The following MTCH1 variants were observed in gnomAD, a reference collection of about 807,000 sequenced individuals.
The protein encoded by MTCH1 is mitochondrial carrier homolog 1.
MTCH1 carries 23 observed loss-of-function variants against 49.3 expected under a neutral mutation model. The observed-to-expected ratio is 0.47, with a 90% CI of 0.34 to 0.66. The LOEUF (loss-of-function observed/expected upper bound fraction) is 0.66. MTCH1 is among the 30% of genes least tolerant of loss of function. The pLI is 0.01. For synonymous variants in MTCH1, 229 were observed against 215.2 expected, an observed-to-expected ratio of 1.06 and a Z score of -0.56; for missense variants, 397 against 532.1, an observed-to-expected ratio of 0.75 and a Z score of 2.50.
intron 2 of MTCH1, 139 bp from the exon 3 acceptor site, chr6:36,978,750 G>T: frequency 1.5e-6 from 1 of 645,254 alleles, no homozygotes; most frequent in Non-Finnish European, 2.6e-6. Context: ...ATCTGTCCAG[G>T]ACCTGGAAGC....
Position 36,986,063 on chromosome 6 carries a change from C to T in MTCH1, c.111G>A (p.Glu37=), listed in dbSNP as rs1471836171. The stretch of plus-strand genomic sequence containing the variant: ...CGGGCGGTGGATCGCGAGCTCGAGC[C>T]TCGACCCCCGCCGCCGCTCCGCCGC... ...GARGGAAAGV[E]ARARDPPPAH... The change falls in exon 1 of 12, where the codon GAG becomes GAA. Residue 37 remains glutamate (E), a synonymous_variant. Transcript: ENST00000373627. The T allele has an allele frequency of 1.4e-6, 2 of 1,450,464 alleles. No homozygotes were observed. The highest frequency in any genetic ancestry group is 2.8e-5 in the South Asian group (2 of 72,398). 89.8% of individuals were successfully genotyped at this position (1,450,464 alleles called of 1,614,324 possible).
In MTCH1 at chr6:36,972,380, A is replaced by C. The variant is rs1322347666; in HGVS notation, c.906+272T>G. Among the ~76,000 whole-genome samples, 3 of 152,120 alleles carry C rather than the reference A, an allele frequency of 2.0e-5. No homozygotes were observed. Among genetic ancestry groups the C allele is most frequent in the Admixed American group, 2.0e-4 (3 of 15,268 alleles). On this transcript the variant is annotated intron_variant, in intron 8 of 11. Transcript: ENST00000373627. This position sits in a 1 kb window ranked among gnomAD's most constrained non-coding sequence, Gnocchi z 4.1. ...TGACTTCCTGAGCCCTAGTTGGGTCACTGCCTCGGAGCAGCCTTAGATAAG... is the reference window on the plus strand; with the variant it reads ...TGACTTCCTGAGCCCTAGTTGGGTCCCTGCCTCGGAGCAGCCTTAGATAAG...
At chr6:36,980,793 AAAG>A (rs1764058621) in intron 2 of MTCH1, among the ~76,000 whole-genome samples, 2 of 152,232 alleles carry the variant, frequency 1.3e-5, no homozygotes, top group Non-Finnish European at 2.9e-5. Flanking sequence ...GGGCACATTT[AAAG>A]AAGGCCTTCA....
chr6:36,970,708 A>C lies in MTCH1; in HGVS notation c.907-14T>G, dbSNP rs1398593412. 6.2e-7 allele frequency: 1 copy of C among 1,613,688 alleles called. No homozygotes were observed. Among genetic ancestry groups the C allele is most frequent in the East Asian group, 2.2e-5 (1 of 44,878 alleles). ...GGCCTGGCTGAACTGAGGAGACAGA[A>C]GGGAAGAGTGGTTTGCCACAGGCAC... On this transcript the variant is annotated splice_polypyrimidine_tract_variant and intron_variant, in intron 8 of 11. Transcript: ENST00000373627.
rs926077615 is a variant in MTCH1 at position 36,986,181 on chromosome 6, G to T, written c.-8C>A. 4.2e-6 allele frequency: 6 copies of T among 1,424,536 alleles called. No homozygotes were observed. The highest frequency in any genetic ancestry group is 5.5e-6 in the Non-Finnish European group (6 of 1,097,900). The allele number at this position is 1,424,536 out of a possible 1,614,324, so 88.2% of individuals were successfully genotyped here. ...CGGGTCCGAAGCTCCCATGGCGCCCGGCGGCGAGGTCACTCCCCGTCACGT... is the reference window on the plus strand; with the variant it reads ...CGGGTCCGAAGCTCCCATGGCGCCCTGCGGCGAGGTCACTCCCCGTCACGT... On this transcript the variant is annotated 5_prime_UTR_variant, in exon 1 of 12. Coordinates refer to ENST00000373627, the MANE Select transcript of MTCH1 (RefSeq NM_001271641.2).
chr6:36,973,756 C>T (rs887567655), intron 7 of MTCH1, among the ~76,000 whole-genome samples: 8 of 152,192 alleles, frequency 5.3e-5, no homozygotes, highest in Non-Finnish European at 1.0e-4. Context: ...AAGAGAACTA[C>T]GCAGTGTGAA....
At chr6:36,970,844 A>G in intron 8 of MTCH1, 150 bp from the exon 9 acceptor site, 5 of 901,734 alleles carry the variant, frequency 5.5e-6, no homozygotes. Flanking sequence ...CACTGCCCAG[A>G]GAAGGCCTGG....
At position 36,972,564 on chromosome 6, in the gene MTCH1, G is replaced by T; in HGVS notation, c.906+88C>A. On this transcript the variant is annotated intron_variant, in intron 8 of 11. Transcript: ENST00000373627. The surrounding 1 kb of genome is among the most constrained non-coding windows in gnomAD (Gnocchi z 4.1). ...TCCTCTCTCACCCTCCCGGCCTGAT[G>T]CTGAGAATCCCAGAATCCTTGAGTT... 6.9e-7 allele frequency: 1 copy of T among 1,444,568 alleles called. No homozygotes were observed. The highest frequency in any genetic ancestry group is 9.3e-7 in the Non-Finnish European group (1 of 1,073,086). The allele number at this position is 1,444,568 out of a possible 1,614,324, so 89.5% of individuals were successfully genotyped here. A position where few individuals can be genotyped will look rare whatever the true frequency, so the allele number is the denominator to read the frequency against.
intron 3 of MTCH1, among the ~76,000 whole-genome samples, 165 bp from the exon 4 acceptor site, chr6:36,978,320 C>T (rs1229638804): frequency 6.6e-6 from 1 of 152,154 alleles, no homozygotes; most frequent in Non-Finnish European, 1.5e-5. Context: ...GAAAAGAAAG[C>T]CACTATCTGG....
chr6:36,973,087 A>C (rs1763739420), intron 7 of MTCH1, among the ~76,000 whole-genome samples: 1 of 152,162 alleles, frequency 6.6e-6, no homozygotes. Flanking sequence ...ATACTGCCAA[A>C]TTTGGAATTT....
At chr6:36,975,562 A>C in intron 7 of MTCH1, 96 bp downstream of exon 7, 1 of 1,213,584 alleles carries the variant, frequency 8.2e-7, no homozygotes, top group Non-Finnish European at 1.2e-6. Context: ...CATGTAGTGA[A>C]GTCCCAGGCC....
chr6:36,985,047 C>T (rs1583270945), intron 1 of MTCH1, among the ~76,000 whole-genome samples: 1 of 151,178 alleles, frequency 6.6e-6, no homozygotes, highest in Non-Finnish European at 1.5e-5. Context: ...CGCTGCCACT[C>T]CCCTCCCCCA....
rs1351462116 is a variant in MTCH1, at chr6:36,977,419, A to G, written c.650-169T>C. ...CCCTGTTACACCCCATGACCACAGC[A>G]TGCCATTTCTACTGCCTGGGAAGAG... On this transcript the variant is annotated intron_variant, in intron 5 of 11. Transcript: ENST00000373627. The surrounding 1 kb of genome is among the most constrained non-coding windows in gnomAD (Gnocchi z 5.4). Among the ~76,000 whole-genome samples the G allele has an allele frequency of 1.3e-5, 2 of 152,196 alleles. No individual in the cohort carries two copies. The highest frequency in any genetic ancestry group is 3.9e-4 in the East Asian group (2 of 5,174).
chr6:36,985,956 C>G lies in MTCH1; in HGVS notation c.218G>C (p.Gly73Ala). Residue 73 changes from glycine (G) to alanine (A), a missense_variant, in exon 1 of 12, where the codon GGG becomes GCG. By Grantham distance (60) the Gly-to-Ala change is moderately conservative. Around this residue, in one of 2 missense-constraint regions of MTCH1, gnomAD observed 145 missense variants for 143.8 expected, o/e 1.01. Transcript: ENST00000373627. ...AGTGGTCGGGGCGTTGTCCCCAGAC[C>G]CCAGGCCCCCTGACCCGCCATCCAT... ...RRMDGGSGGL[G>A]SGDNAPTTEA... 1 of 1,550,280 alleles carries G rather than the reference C, an allele frequency of 6.5e-7. No homozygotes were observed. Among genetic ancestry groups the G allele is most frequent in the Admixed American group, 2.0e-5 (1 of 51,062 alleles).
rs1472703208 is a variant in MTCH1 at position 36,977,815 on chromosome 6, T to G, written c.592-124A>C. 1 of 901,886 alleles carries G rather than the reference T, an allele frequency of 1.1e-6. No homozygotes were observed. The highest frequency in any genetic ancestry group is 1.7e-6 in the Non-Finnish European group (1 of 581,892). The allele number at this position is 901,886 out of a possible 1,614,324, so 55.9% of individuals were successfully genotyped here. A position where few individuals can be genotyped will look rare whatever the true frequency, so the allele number is the denominator to read the frequency against. On this transcript the variant is annotated intron_variant, in intron 4 of 11. Transcript: ENST00000373627. This position sits in a 1 kb window ranked among gnomAD's most constrained non-coding sequence, Gnocchi z 5.4. Reference sequence around the variant, plus strand: ...CCAGGGACTGCACATGGGGTCGGTCTGCCAAGGATGGCTCCACCTGTTGCC... The same window carrying G: ...CCAGGGACTGCACATGGGGTCGGTCGGCCAAGGATGGCTCCACCTGTTGCC...
chr6:36,968,976 T>G lies in MTCH1; in HGVS notation c.1099-2A>C. 6.2e-7 allele frequency: 1 copy of G among 1,613,944 alleles called. No individual in the cohort carries two copies. The highest frequency in any genetic ancestry group is 8.5e-7 in the Non-Finnish European group (1 of 1,179,882). On this transcript the variant is annotated splice_acceptor_variant, in intron 11 of 11. Coordinates refer to ENST00000373627, the MANE Select transcript of MTCH1 (RefSeq NM_001271641.2). LOFTEE classifies it high-confidence loss of function. ...GCTGGAGCCTCGGAAGAGCTGGCCC[T>G]GGACCAGAAGGAAAAGTAAGGTGAG...
chr6:36,984,333 A>G (rs1189131578), intron 1 of MTCH1, among the ~76,000 whole-genome samples: 1 of 152,190 alleles, frequency 6.6e-6, no homozygotes, highest in Non-Finnish European at 1.5e-5. Flanking sequence ...TTCCGCCATC[A>G]ACAATTTTCA....
At chr6:36,976,354 A>G (rs376639721) in intron 6 of MTCH1, 1 of 353,550 alleles carries the variant, frequency 2.8e-6, no homozygotes, top group African/African-American at 2.2e-5. Context: ...AGGAAGCTCA[A>G]TAACAACCTA....
chr6:36,974,352 C>T (rs1763787744), intron 7 of MTCH1, among the ~76,000 whole-genome samples: 1 of 152,100 alleles, frequency 6.6e-6, no homozygotes. Context: ...AGGTGCATGC[C>T]GCCACGGCCA....
Sources: gnomAD v4.1 joint callset for allele counts (sites outside exome capture counted in the v4.1 genomes callset) on GRCh38, gnomAD v4.1.1 for gene constraint, gnomAD v4.1.1 regional missense constraint, Gnocchi (gnomAD v3.1) non-coding constraint, MANE v1.5 for transcripts, NCBI Gene and HGNC (gene_info 2026-07-23, HGNC 2026-07-21) for gene names.